Variants in PRKAG2 observed in about 807,000 individuals in gnomAD.
PRKAG2 encodes the protein 5'-AMP-activated protein kinase subunit gamma-2.
A neutral mutation model predicts 69.6 loss-of-function variants in PRKAG2; 26 were observed. The observed-to-expected ratio is 0.37, with a 90% CI of 0.27 to 0.52. The LOEUF is 0.52. PRKAG2 is among the 20% of genes least tolerant of loss of function. PRKAG2 has a pLI of 0.90. For synonymous variants in PRKAG2, 293 were observed against 285.0 expected, an observed-to-expected ratio of 1.03 and a Z score of -0.28; for missense variants, 557 against 740.0, an observed-to-expected ratio of 0.75 and a Z score of 2.87.
intron 3 of PRKAG2, among the ~76,000 whole-genome samples, chr7:151,693,705 GA>G (rs1446734169): frequency 1.3e-5 from 2 of 152,136 alleles, no homozygotes; most frequent in African/African-American, 4.8e-5. Context: ...GGGAGGTGAG[GA>G]GGGTGGTGCC....
At chr7:151,591,990 T>C (rs3789812) in intron 6 of PRKAG2, among the ~76,000 whole-genome samples, 30,559 of 151,998 alleles carry the variant, frequency 0.2, 3,915 homozygotes, top group African/African-American at 0.36. Flanking sequence ...AGGGAACTAC[T>C]AGGCCCCCCA....
intron 1 of PRKAG2, chr7:151,810,043 T>G (rs553441682): frequency 6.6e-6 from 1 of 152,388 alleles, no homozygotes; most frequent in South Asian, 2.1e-4. Context: ...CCTGGAGTCA[T>G]GTGCATTCTC....
At chr7:151,820,566 G>C (rs1342749690) in intron 1 of PRKAG2, among the ~76,000 whole-genome samples, 4 of 108,104 alleles carry the variant, frequency 3.7e-5, no homozygotes, top group African/African-American at 1.4e-4. Context: ...CCTGGCCCCT[G>C]TGGCTTCTGC....
Position 151,807,294 on chromosome 7 carries a change from A to G in PRKAG2, c.115-20753T>C, listed in dbSNP as rs2078161691. On this transcript the variant is annotated intron_variant, in intron 1 of 15. Coordinates refer to ENST00000287878, the MANE Select transcript of PRKAG2 (RefSeq NM_016203.4). This position sits in a 1 kb window ranked among gnomAD's most constrained non-coding sequence, Gnocchi z 4.4. Reference sequence around the variant, plus strand: ...CAGCAGACCCATGGGATAGGGGAAGAAAAACAAGCAATCTACAGAACGTGG... The same window carrying G: ...CAGCAGACCCATGGGATAGGGGAAGGAAAACAAGCAATCTACAGAACGTGG... 7.4e-6 allele frequency: 3 copies of G among 405,188 alleles called. No homozygotes were observed. Among genetic ancestry groups the G allele is most frequent in the South Asian group, 5.4e-5 (3 of 55,362 alleles). The allele number at this position is 405,188 out of a possible 1,614,324, so 25.1% of individuals were successfully genotyped here.
intron 3 of PRKAG2, among the ~76,000 whole-genome samples, chr7:151,715,834 G>GAGGGC (rs561014598): frequency 0.046 from 7,029 of 152,132 alleles, 400 homozygotes; most frequent in African/African-American, 0.14. Context: ...AGGCAGGAGA[G>GAGGGC]AGGGCGGGGC....
chr7:151,559,967 T>C (rs1453654823), intron 15 of PRKAG2: 1 of 985,428 alleles, frequency 1.0e-6, no homozygotes, highest in East Asian at 1.1e-4. Context: ...CCGTTCTCTC[T>C]GCTCCTCACT....
chr7:151,568,961 G>A (rs1233224088), intron 10 of PRKAG2, 119 bp from the exon 11 acceptor site: 12 of 1,219,852 alleles, frequency 9.8e-6, no homozygotes, highest in African/African-American at 3.0e-5. Context: ...ACAGTGTTTT[G>A]GAAGAGTTTT....
In PRKAG2 at chr7:151,566,637, A is replaced by T. The variant is rs922954256; in HGVS notation, c.1234-752T>A. On this transcript the variant is annotated intron_variant, in intron 11 of 15. Transcript: ENST00000287878. ...ACCTTATAATTATCAGGAAAAGATGAACAATTAGAAGAAACAAAATGTTCA... is the reference window on the plus strand; with the variant it reads ...ACCTTATAATTATCAGGAAAAGATGTACAATTAGAAGAAACAAAATGTTCA... The T allele has an allele frequency of 2.7e-5, 12 of 442,466 alleles. No individual in the cohort carries two copies. The highest frequency in any genetic ancestry group is 5.0e-5 in the Non-Finnish European group (11 of 222,098). 27.4% of individuals were successfully genotyped at this position (442,466 alleles called of 1,614,324 possible).
At chr7:151,570,127 T>C (rs1469089748) in intron 10 of PRKAG2, 44 bp downstream of exon 10, 3 of 1,574,046 alleles carry the variant, frequency 1.9e-6, no homozygotes, top group Admixed American at 1.7e-5. Flanking sequence ...ATAAAACACA[T>C]ACATCTGAAT....
At position 151,556,384 on chromosome 7, in the gene PRKAG2, C is replaced by T. The variant is rs1457248233; in HGVS notation, c.*817G>A. On this transcript the variant is annotated 3_prime_UTR_variant, in exon 16 of 16. Transcript: ENST00000287878. ...ACAAGAAAAAAAATAGACATCTTCC[C>T]GGCACTTGGCTCCCGCCTGACGGCA... The T allele has an allele frequency of 4.6e-5, 7 of 152,592 alleles. No individual in the cohort carries two copies. Among genetic ancestry groups the T allele is most frequent in the Admixed American group, 1.3e-4 (2 of 15,284 alleles). The allele number at this position is 152,592 out of a possible 1,614,324, so 9.5% of individuals were successfully genotyped here.
intron 1 of PRKAG2, chr7:151,806,369 G>C (rs2078101564): frequency 6.6e-6 from 1 of 152,390 alleles, no homozygotes. Context: ...CTGGTCTAGG[G>C]TGAGAGATAA....
chr7:151,560,422 C>G lies in PRKAG2; in HGVS notation c.1678+102G>C, dbSNP rs762256639. On this transcript the variant is annotated intron_variant, in intron 15 of 15. Coordinates refer to ENST00000287878, the MANE Select transcript of PRKAG2 (RefSeq NM_016203.4). ...AAAGTAATATACTCAAAGCCTTGAT[C>G]TGTAGGTGGGTGGAGAAATGATGGT... The G allele has an allele frequency of 7.3e-5, 118 of 1,609,212 alleles. 2 individuals are homozygous for G. In the South Asian group the frequency reaches 1.3e-3, roughly 18 times the overall value.
chr7:151,872,914 G>A (rs1422430119), intron 1 of PRKAG2, among the ~76,000 whole-genome samples: 1 of 152,210 alleles, frequency 6.6e-6, no homozygotes, highest in East Asian at 1.9e-4. Flanking sequence ...CCTTAGGCCT[G>A]GTCTTCAAGG....
rs12531414 is a variant in PRKAG2, at chr7:151,726,402, G to A, written c.467-50765C>T. On this transcript the variant is annotated intron_variant, in intron 3 of 15. Coordinates refer to ENST00000287878, the MANE Select transcript of PRKAG2 (RefSeq NM_016203.4). ...CACACACACACACACACACACACAC[G>A]CACACACACACAGAGCTGATGCCAC... Among the ~76,000 whole-genome samples, 328 of 101,934 alleles carry A rather than the reference G, an allele frequency of 3.2e-3. 1 individual carries two copies. Among genetic ancestry groups the A allele is most frequent in the Non-Finnish European group, 3.2e-3 (147 of 45,786 alleles). The allele number at this position is 101,934 out of a possible 152,430, so 66.9% of individuals were successfully genotyped here.
intron 1 of PRKAG2, among the ~76,000 whole-genome samples, chr7:151,799,359 A>G (rs898957540): frequency 6.6e-6 from 1 of 152,208 alleles, no homozygotes; most frequent in Admixed American, 6.5e-5. Context: ...TTTCCACTAC[A>G]TAAGCTGGTA....
At position 151,781,219 on chromosome 7, in the gene PRKAG2, C is replaced by A; in HGVS notation, c.399G>T (p.Glu133Asp). Residue 133 changes from glutamate to aspartate, a missense_variant, in exon 3 of 16, where the codon GAG becomes GAT. By Grantham distance (45) the Glu-to-Asp change is conservative (BLOSUM62 2). Coordinates refer to ENST00000287878, the MANE Select transcript of PRKAG2 (RefSeq NM_016203.4). This position sits in a 1 kb window ranked among gnomAD's most constrained non-coding sequence, Gnocchi z 6.1. ...TAGCAGGGTTGGAGTTGGGGGAAGACTCTTTGGAGGAGGAGCGGAAGATCC... is the reference window on the plus strand; with the variant it reads ...TAGCAGGGTTGGAGTTGGGGGAAGAATCTTTGGAGGAGGAGCGGAAGATCC... The part of the protein sequence containing the change: ...FSGIFRSSSK[E>D]SSPNSNPATS... The A allele has an allele frequency of 6.2e-7, 1 of 1,614,100 alleles. No homozygotes were observed. The highest frequency in any genetic ancestry group is 8.5e-7 in the Non-Finnish European group (1 of 1,180,048).
At chr7:151,686,929 T>C (rs1219837812) in intron 3 of PRKAG2, among the ~76,000 whole-genome samples, 2 of 152,152 alleles carry the variant, frequency 1.3e-5, no homozygotes, top group East Asian at 3.8e-4. Context: ...TGAAAAAATA[T>C]TTCTATTTAA....
chr7:151,729,450 G>C (rs1798570170), intron 3 of PRKAG2, among the ~76,000 whole-genome samples: 1 of 152,054 alleles, frequency 6.6e-6, no homozygotes, highest in South Asian at 2.1e-4. Context: ...AGAGGGGTTG[G>C]GGGAGGGACA....
At position 151,632,016 on chromosome 7, in the gene PRKAG2, C is replaced by T. The variant is rs914522733; in HGVS notation, c.754+53G>A. On this transcript the variant is annotated intron_variant, in intron 5 of 15. Coordinates refer to ENST00000287878, the MANE Select transcript of PRKAG2 (RefSeq NM_016203.4). The surrounding 1 kb of genome is among the most constrained non-coding windows in gnomAD (Gnocchi z 4.2). ...CGGGGTCCCCGCGGGTCCCGGTCCTCGGGCGGCCGGGCCGTGGGAGCGCCG... is the reference window on the plus strand; with the variant it reads ...CGGGGTCCCCGCGGGTCCCGGTCCTTGGGCGGCCGGGCCGTGGGAGCGCCG... 8.1e-6 allele frequency: 10 copies of T among 1,232,976 alleles called. No individual in the cohort carries two copies. The highest frequency in any genetic ancestry group is 4.7e-5 in the African/African-American group (3 of 63,256). 76.4% of individuals were successfully genotyped at this position (1,232,976 alleles called of 1,614,324 possible). A position where few individuals can be genotyped will look rare whatever the true frequency, so the allele number is the denominator to read the frequency against.
Sources: allele counts gnomAD v4.1 joint callset (sites outside exome capture counted in the v4.1 genomes callset), GRCh38; gene constraint gnomAD v4.1.1; non-coding constraint Gnocchi (gnomAD v3.1); transcripts MANE v1.5; gene names NCBI Gene and HGNC (gene_info 2026-07-23, HGNC 2026-07-21).